The following DPP10 variants were observed in gnomAD, a reference collection of about 807,000 sequenced individuals.
The protein encoded by DPP10 is inactive dipeptidyl peptidase 10.
DPP10 carries 33 observed loss-of-function variants against 120.9 expected under a neutral mutation model. The observed-to-expected ratio is 0.27, with a 90% CI of 0.21 to 0.37. The LOEUF (loss-of-function observed/expected upper bound fraction) is 0.37, where lower values mean the gene tolerates loss of function less well. Ranked by LOEUF, DPP10 falls within the 10% of genes least tolerant of loss-of-function variation. The probability of loss-of-function intolerance (pLI) is 1.00; values close to 1 mark genes in which losing one functional copy is unlikely to be tolerated. For synonymous variants in DPP10, 337 were observed against 326.1 expected (o/e 1.03, Z -0.36); for missense variants, 816 against 942.8 (o/e 0.87, Z 1.76).
intron 1 of DPP10, among the ~76,000 whole-genome samples, chr2:114,966,733 TA>T (rs1699059396): frequency 6.6e-6 from 1 of 152,128 alleles, no homozygotes; most frequent in Admixed American, 6.6e-5. Flanking sequence ...AAAATCATGA[TA>T]AAGTTAGTTT....
intron 3 of DPP10, among the ~76,000 whole-genome samples, chr2:115,456,359 G>A (rs535490127): frequency 6.6e-6 from 1 of 152,174 alleles, no homozygotes; most frequent in Non-Finnish European, 1.5e-5. Context: ...TACGCTGTTG[G>A]TGGGACTGTA....
At chr2:115,458,678 A>G (rs1383529061) in intron 3 of DPP10, among the ~76,000 whole-genome samples, 3 of 152,116 alleles carry the variant, frequency 2.0e-5, no homozygotes, top group African/African-American at 7.2e-5. Flanking sequence ...CATTGCTTGA[A>G]TATTGAGACT....
intron 1 of DPP10, among the ~76,000 whole-genome samples, chr2:115,046,706 T>C (rs549597027): frequency 7.2e-5 from 11 of 152,252 alleles, no homozygotes; most frequent in Admixed American, 5.2e-4. Flanking sequence ...AAAAATATTA[T>C]GGAGTGAAGA....
At chr2:115,393,793 GCA>G (rs1181335671) in intron 3 of DPP10, among the ~76,000 whole-genome samples, 1 of 152,254 alleles carries the variant, frequency 6.6e-6, no homozygotes, top group Non-Finnish European at 1.5e-5. Flanking sequence ...TCTAGGAGTG[GCA>G]AATTATAAGC....
chr2:115,391,789 A>G (rs1201202153), intron 3 of DPP10, among the ~76,000 whole-genome samples: 3 of 152,176 alleles, frequency 2.0e-5, no homozygotes, highest in Admixed American at 6.5e-5. Flanking sequence ...CAATGGGAGA[A>G]AAGTACAAGA....
intron 1 of DPP10, among the ~76,000 whole-genome samples, chr2:114,769,302 T>C (rs1358313176): frequency 6.6e-6 from 1 of 152,072 alleles, no homozygotes; most frequent in African/African-American, 2.4e-5. Flanking sequence ...TGGCAACTTG[T>C]CATCAACTAC....
chr2:115,045,133 G>A (rs973218187), intron 1 of DPP10, among the ~76,000 whole-genome samples: 1 of 152,154 alleles, frequency 6.6e-6, no homozygotes, highest in African/African-American at 2.4e-5. Flanking sequence ...GGTACATACC[G>A]AGCAATGGGA....
chr2:115,780,578 A>C (rs66493860), intron 15 of DPP10, among the ~76,000 whole-genome samples: 9,527 of 151,916 alleles, frequency 0.063, 408 homozygotes, highest in Non-Finnish European at 0.089. Flanking sequence ...ACAGTAAGTT[A>C]ATTTGAGTTC....
At chr2:115,225,787 G>GA (rs978850741) in intron 1 of DPP10, among the ~76,000 whole-genome samples, 2 of 151,614 alleles carry the variant, frequency 1.3e-5, no homozygotes, top group African/African-American at 2.4e-5. Context: ...ATTTTTGTGG[G>GA]AAAAAAATTG....
intron 3 of DPP10, among the ~76,000 whole-genome samples, chr2:115,364,888 A>G (rs950958204): frequency 6.6e-6 from 1 of 152,150 alleles, no homozygotes; most frequent in Non-Finnish European, 1.5e-5. Flanking sequence ...TTGAAATTTT[A>G]GATGAAATAT....
At chr2:115,443,224 G>GT (rs1283444141) in intron 3 of DPP10, among the ~76,000 whole-genome samples, 1 of 152,136 alleles carries the variant, frequency 6.6e-6, no homozygotes, top group Non-Finnish European at 1.5e-5. Context: ...TTTGAGCACA[G>GT]TTTTGTTGAC....
chr2:115,427,439 A>G (rs995224972), intron 3 of DPP10, among the ~76,000 whole-genome samples: 6 of 152,226 alleles, frequency 3.9e-5, no homozygotes, highest in Admixed American at 2.6e-4. Context: ...CGCAGGGTGC[A>G]TGCCTACAGG....
chr2:114,695,971 G>A, intron 1 of DPP10, among the ~76,000 whole-genome samples: 1 of 151,970 alleles, frequency 6.6e-6, no homozygotes. Context: ...TTATAGTATG[G>A]TATTTAGTAT....
chr2:114,737,436 G>A (rs1267551670), intron 1 of DPP10, among the ~76,000 whole-genome samples: 1 of 152,200 alleles, frequency 6.6e-6, no homozygotes, highest in Non-Finnish European at 1.5e-5. Context: ...TTCTGCAGGA[G>A]AGAGAAATCT....
chr2:114,600,539 A>T (rs1025048498), intron 1 of DPP10, among the ~76,000 whole-genome samples: 1 of 151,658 alleles, frequency 6.6e-6, no homozygotes, highest in Non-Finnish European at 1.5e-5. Flanking sequence ...TCCAATGGCA[A>T]TTTTTTTCTC....
chr2:115,059,273 C>G (rs1210436955), intron 1 of DPP10, among the ~76,000 whole-genome samples: 6 of 151,296 alleles, frequency 4.0e-5, no homozygotes, highest in Admixed American at 3.9e-4. Context: ...CTTAATAAAT[C>G]ACGCAAGTTT....
chr2:115,203,228 T>C (rs2055872301), intron 1 of DPP10, among the ~76,000 whole-genome samples: 1 of 152,172 alleles, frequency 6.6e-6, no homozygotes, highest in African/African-American at 2.4e-5. Flanking sequence ...GGATTTTAAG[T>C]ACAAGGAAGA....
At chr2:114,890,458 A>G (rs1558848695) in intron 1 of DPP10, among the ~76,000 whole-genome samples, 1 of 152,210 alleles carries the variant, frequency 6.6e-6, no homozygotes, top group Non-Finnish European at 1.5e-5. Flanking sequence ...CTTTGAAAAG[A>G]GAAATGCTTG....
At chr2:114,464,184 C>A (rs2104579386) in intron 1 of DPP10, among the ~76,000 whole-genome samples, 1 of 152,272 alleles carries the variant, frequency 6.6e-6, no homozygotes, top group South Asian at 2.1e-4. Flanking sequence ...TATGGTAAGT[C>A]TAAACTGTCT....
Sources: gnomAD v4.1 joint callset for allele counts (sites outside exome capture counted in the v4.1 genomes callset) on GRCh38, gnomAD v4.1.1 for gene constraint, MANE v1.5 for transcripts, NCBI Gene and HGNC (gene_info 2026-07-23, HGNC 2026-07-21) for gene names.